SMARCA4: variants seen among roughly 807,000 people sequenced by gnomAD.
SMARCA4 encodes the protein SWI/SNF related BAF chromatin remodeling complex subunit ATPase 4, also known as SWI/SNF-related matrix-associated actin-dependent regulator of chromatin subfamily A member 4.
SMARCA4 carries 31 observed loss-of-function variants against 193.9 expected under a neutral mutation model. The observed-to-expected ratio is 0.16, with a 90% CI of 0.12 to 0.22. The LOEUF is 0.22. SMARCA4 is among the 10% of genes least tolerant of loss of function. SMARCA4 has a pLI of 1.00. For synonymous variants in SMARCA4, 942 were observed against 933.1 expected, an observed-to-expected ratio of 1.01 and a Z score of -0.17; for missense variants, 1,148 against 2,296.0, an observed-to-expected ratio of 0.50 and a Z score of 10.22.
chr19:10,984,530 T>C lies in SMARCA4; in HGVS notation c.222+157T>C, dbSNP rs1220582830. Among the ~76,000 whole-genome samples, 3 of 152,226 alleles carry C rather than the reference T, an allele frequency of 2.0e-5. No individual in the cohort carries two copies. The highest frequency in any genetic ancestry group is 6.5e-5 in the Admixed American group (1 of 15,288). On this transcript the variant is annotated intron_variant, in intron 2 of 34. Coordinates refer to ENST00000344626, the MANE Select transcript of SMARCA4 (RefSeq NM_003072.5). The surrounding 1 kb of genome is among the most constrained non-coding windows in gnomAD (Gnocchi z 4.3). ...CCCCCTACCCCAGGGCCCACGGCCA[T>C]GAACAGAAGGTTCAGCTCGTCAGAC... is the stretch of plus-strand genomic sequence containing the variant.
intron 1 of SMARCA4, among the ~76,000 whole-genome samples, chr19:10,974,823 C>G (rs1349880780): frequency 6.9e-6 from 1 of 144,824 alleles, no homozygotes; most frequent in Non-Finnish European, 1.5e-5. Flanking sequence ...TCTCCTGCCT[C>G]TGCCTCCCAA....
intron 1 of SMARCA4, among the ~76,000 whole-genome samples, chr19:10,974,488 A>G (rs1191145123): frequency 6.7e-6 from 1 of 150,080 alleles, no homozygotes; most frequent in Non-Finnish European, 1.5e-5. Context: ...TTTCTTTAAA[A>G]ATCTGAATAT....
rs1344296942 is a variant in SMARCA4, at chr19:10,987,767, G to A, written c.961G>A (p.Ala321Thr). 6.3e-6 allele frequency: 10 copies of A among 1,587,842 alleles called. No individual in the cohort carries two copies. The highest frequency in any genetic ancestry group is 4.5e-5 in the South Asian group (4 of 89,176). The change falls in exon 6 of 35, where the codon GCC becomes ACC. Residue 321 changes from alanine to threonine, a missense_variant. Ala to Thr is a moderately conservative substitution (Grantham distance 58, BLOSUM62 0). Transcript: ENST00000344626. This position sits in a 1 kb window ranked among gnomAD's most constrained non-coding sequence, Gnocchi z 5.3. ...PSPAPPAVPPAASPVMPPQTQ... is the reference protein window; with the variant it reads ...PSPAPPAVPPTASPVMPPQTQ... ...CCCCGCGCCCCCTGCCGTCCCACCCGCCGCCTCGCCCGTGATGCCACCGCA... is the reference window on the plus strand; with the variant it reads ...CCCCGCGCCCCCTGCCGTCCCACCCACCGCCTCGCCCGTGATGCCACCGCA...
At chr19:10,990,139 A>G (rs915130037) in intron 7 of SMARCA4, among the ~76,000 whole-genome samples, 2 of 150,274 alleles carry the variant, frequency 1.3e-5, no homozygotes, top group Admixed American at 1.3e-4. Context: ...ATAGGCGTGC[A>G]CCATTACACC....
rs771071300 is a variant in SMARCA4 at position 11,041,441 on chromosome 19, C to T, written c.4305C>T (p.Asp1435=). 11 of 1,612,480 alleles carry T rather than the reference C, an allele frequency of 6.8e-6. No individual in the cohort carries two copies. The highest frequency in any genetic ancestry group is 2.7e-5 in the African/African-American group (2 of 74,926). The change falls in exon 30 of 35, where the codon GAC becomes GAT. Residue 1435 remains aspartate, a synonymous_variant. Transcript: ENST00000344626. The surrounding 1 kb of genome is among the most constrained non-coding windows in gnomAD (Gnocchi z 5.6). ...TTSTRSRDKD[D]ESKKQKKRGR... is the part of the protein sequence containing the mutation. ...GCACCCGCAGCCGCGACAAGGACGA[C>T]GAGAGCAAGAAGCAGAAGAAGCGCG... is the stretch of plus-strand genomic sequence containing the variant.
At chr19:11,061,203 AAATATATAT>A (rs1417607114) in intron 34 of SMARCA4, among the ~76,000 whole-genome samples, 13 of 47,448 alleles carry the variant, frequency 2.7e-4, no homozygotes, top group African/African-American at 1.3e-3. Context: ...AAAAAAAAAA[AAATATATAT>A]ATATATATAT....
rs779168346 is a variant in SMARCA4 at position 10,986,930 on chromosome 19, C to T, written c.786C>T (p.Pro262=). Residue 262 remains proline (P), a synonymous_variant, in exon 5 of 35, where the codon CCC becomes CCT. Coordinates refer to ENST00000344626, the MANE Select transcript of SMARCA4 (RefSeq NM_003072.5). This position sits in a 1 kb window ranked among gnomAD's most constrained non-coding sequence, Gnocchi z 6.7. ...GTATGGGAGGGCCCAACATGCCTCC[C>T]CCAGGACCCTCGGGCGTGCCCCCCG... is the stretch of plus-strand genomic sequence containing the variant. ...PHGMGGPNMP[P]PGPSGVPPGM... The T allele has an allele frequency of 4.3e-6, 7 of 1,612,720 alleles. No homozygotes were observed. The South Asian group carries it at 7.7e-5, about 18-fold the overall frequency.
At chr19:11,047,400 G>A (rs1027433713) in intron 30 of SMARCA4, among the ~76,000 whole-genome samples, 18 of 126,256 alleles carry the variant, frequency 1.4e-4, no homozygotes, top group East Asian at 4.5e-4. Context: ...AGAAGCCTCC[G>A]TGTCCAGAGG....
Position 11,010,471 on chromosome 19 carries a change from C to A in SMARCA4, c.2214C>A (p.Val738=), listed in dbSNP as rs1186978984. 6.2e-7 allele frequency: 1 copy of A among 1,614,102 alleles called. No individual in the cohort carries two copies. The highest frequency in any genetic ancestry group is 8.5e-7 in the Non-Finnish European group (1 of 1,180,004). Residue 738 remains valine (V), a synonymous_variant, in exon 15 of 35, where the codon GTC becomes GTA. Transcript: ENST00000344626. ...CCTACTATGCCGTGGCCCATGCTGTCACTGAGAGAGTGGACAAGCAGTCAG... is the reference window on the plus strand; with the variant it reads ...CCTACTATGCCGTGGCCCATGCTGTAACTGAGAGAGTGGACAAGCAGTCAG... ...LQSYYAVAHA[V]TERVDKQSAL... is the part of the protein sequence containing the mutation.
intron 1 of SMARCA4, among the ~76,000 whole-genome samples, chr19:10,980,579 A>G (rs568731324): frequency 6.6e-6 from 1 of 151,744 alleles, no homozygotes; most frequent in Non-Finnish European, 1.5e-5. Flanking sequence ...GGTTGCAGTG[A>G]GCAGAGATCA....
At chr19:10,994,734 C>T (rs1010146360) in intron 8 of SMARCA4, 94 bp from the exon 9 acceptor site, 11 of 1,123,470 alleles carry the variant, frequency 9.8e-6, no homozygotes, top group African/African-American at 3.1e-5. Flanking sequence ...GCTGGGATTA[C>T]AGGCCAATAT....
rs751242644 is a variant in SMARCA4 at position 10,987,910 on chromosome 19, G to A, written c.1104G>A (p.Gln368=). ...GCCTCGACCCTGTGGAGATCCTGCA[G>A]GAGCGCGAGTACAGGTGAGGGCGGG... is the stretch of plus-strand genomic sequence containing the variant. The part of the protein sequence containing the change: ...PRGLDPVEIL[Q]EREYRLQARI... Residue 368 remains glutamine, a synonymous_variant, in exon 6 of 35, where the codon CAG becomes CAA. Coordinates refer to ENST00000344626, the MANE Select transcript of SMARCA4 (RefSeq NM_003072.5). This position sits in a 1 kb window ranked among gnomAD's most constrained non-coding sequence, Gnocchi z 5.3. The A allele has an allele frequency of 2.2e-5, 36 of 1,612,950 alleles. 1 individual carries two copies. The highest frequency in any genetic ancestry group is 3.6e-4 in the Middle Eastern group (2 of 5,622).
Position 11,019,126 on chromosome 19 carries a change from GGTCTCCAGTCGCATGGA to G in SMARCA4, c.2505+112_2505+128del. On this transcript the variant is annotated intron_variant, in intron 17 of 34. Coordinates refer to ENST00000344626, the MANE Select transcript of SMARCA4 (RefSeq NM_003072.5). This position sits in a 1 kb window ranked among gnomAD's most constrained non-coding sequence, Gnocchi z 6.1. The stretch of plus-strand genomic sequence containing the variant: ...CTGGACAGTGAACCTGAGAATGCTG[GGTCTCCAGTCGCATGGA>G]GTCTCCAGGACAGCCTGGAACTCCA... 1 of 908,860 alleles carries G rather than the reference GGTCTCCAGTCGCATGGA, an allele frequency of 1.1e-6. No individual in the cohort carries two copies. 56.3% of individuals were successfully genotyped at this position (908,860 alleles called of 1,614,324 possible). A position where few individuals can be genotyped will look rare whatever the true frequency, so the allele number is the denominator to read the frequency against.
chr19:11,019,692 C>T lies in SMARCA4; in HGVS notation c.2607C>T (p.Ile869=), dbSNP rs1315219565. Residue 869 remains isoleucine, a synonymous_variant, in exon 18 of 35, where the codon ATC becomes ATT. Coordinates refer to ENST00000344626, the MANE Select transcript of SMARCA4 (RefSeq NM_003072.5). This position sits in a 1 kb window ranked among gnomAD's most constrained non-coding sequence, Gnocchi z 6.1. ...TYEYIIKDKH[I]LAKIRWKYMI... ...AGTACATCATCAAAGACAAGCACAT[C>T]CTCGCCAAGGTAACGTGTCCCTGTG... 2 of 1,611,470 alleles carry T rather than the reference C, an allele frequency of 1.2e-6. No individual in the cohort carries two copies. The highest frequency in any genetic ancestry group is 1.7e-6 in the Non-Finnish European group (2 of 1,177,840).
At chr19:10,996,578 G>T in intron 11 of SMARCA4, 34 bp downstream of exon 11, 3 of 1,602,820 alleles carry the variant, frequency 1.9e-6, no homozygotes, top group Non-Finnish European at 2.6e-6. Context: ...GAAGTATCAA[G>T]CTAGCCCTAA....
rs761119739 is a variant in SMARCA4 at position 10,991,349 on chromosome 19, T to C, written c.1419+26T>C. 2.6e-6 allele frequency: 4 copies of C among 1,566,552 alleles called. No homozygotes were observed. The African/African-American group carries it at 5.4e-5, about 21-fold the overall frequency. On this transcript the variant is annotated intron_variant, in intron 8 of 34. Coordinates refer to ENST00000344626, the MANE Select transcript of SMARCA4 (RefSeq NM_003072.5). ...GTACGCTCCGGTGGCCCCAAGGCCC[T>C]GCAGCCCGCCCACCTGGCTGCCTGG...
chr19:11,011,625 G>A (rs2088855760), intron 15 of SMARCA4: 1 of 152,244 alleles, frequency 6.6e-6, no homozygotes, highest in East Asian at 1.9e-4. Flanking sequence ...GCTGAGATGG[G>A]AGGATCGCAT....
Position 10,985,325 on chromosome 19 carries a change from A to G in SMARCA4, c.275A>G (p.Gln92Arg). 6.2e-7 allele frequency: 1 copy of G among 1,614,032 alleles called. No homozygotes were observed. The highest frequency in any genetic ancestry group is 8.5e-7 in the Non-Finnish European group (1 of 1,179,988). The change falls in exon 3 of 35, where the codon CAG becomes CGG. Residue 92 changes from glutamine to arginine, a missense_variant. This residue lies in a region of SMARCA4 where 201 missense variants were observed against 248.3 expected (regional missense o/e 0.81). Coordinates refer to ENST00000344626, the MANE Select transcript of SMARCA4 (RefSeq NM_003072.5). This position sits in a 1 kb window ranked among gnomAD's most constrained non-coding sequence, Gnocchi z 4.5. ...KGMSDDPRYN[Q>R]MKGMGMRSGG... Reference sequence around the variant, plus strand: ...ATGTCGGACGACCCGCGCTACAACCAGATGAAAGGAATGGGGATGCGGTCA... The same window carrying G: ...ATGTCGGACGACCCGCGCTACAACCGGATGAAAGGAATGGGGATGCGGTCA...
In SMARCA4 at chr19:11,019,806, C is replaced by T. The variant is rs1461412096; in HGVS notation, c.2616+105C>T. 5.4e-5 allele frequency: 44 copies of T among 814,266 alleles called. No individual in the cohort carries two copies. Among genetic ancestry groups the T allele is most frequent in the Non-Finnish European group, 1.5e-5 (7 of 480,070 alleles). The allele number at this position is 814,266 out of a possible 1,614,324, so 50.4% of individuals were successfully genotyped here. On this transcript the variant is annotated intron_variant, in intron 18 of 34. Transcript: ENST00000344626. The surrounding 1 kb of genome is among the most constrained non-coding windows in gnomAD (Gnocchi z 6.1). ...CCCTACAAGTTTCTTCCCGGAGTCCCACCTGCATGTGCGTGAAGACAGCTG... is the reference window on the plus strand; with the variant it reads ...CCCTACAAGTTTCTTCCCGGAGTCCTACCTGCATGTGCGTGAAGACAGCTG...
Sources: allele counts gnomAD v4.1 joint callset (sites outside exome capture counted in the v4.1 genomes callset), GRCh38; gene constraint gnomAD v4.1.1; regional missense constraint gnomAD v4.1.1; non-coding constraint Gnocchi (gnomAD v3.1); transcripts MANE v1.5; gene names NCBI Gene and HGNC (gene_info 2026-07-23, HGNC 2026-07-21).